NRXN3: variants seen among roughly 807,000 people sequenced by gnomAD.
NRXN3 encodes the protein neurexin III.
In NRXN3, 32 loss-of-function variants were observed where a neutral mutation model predicts 137.6. That is an observed-to-expected ratio of 0.23 (90% CI 0.18 to 0.31). The LOEUF (loss-of-function observed/expected upper bound fraction) is 0.31. NRXN3 is among the 10% of genes least tolerant of loss of function. The probability of loss-of-function intolerance (pLI) is 1.00; values close to 1 mark genes in which losing one functional copy is unlikely to be tolerated. For missense variants in NRXN3, 1,574 were observed against 2,062.5 expected (o/e 0.76, Z 4.59); for synonymous variants, 798 against 784.5 (o/e 1.02, Z -0.29).
At chr14:78,730,091 C>T (rs2098507767) in intron 8 of NRXN3, among the ~76,000 whole-genome samples, 1 of 152,120 alleles carries the variant, frequency 6.6e-6, no homozygotes, top group Admixed American at 6.6e-5. Flanking sequence ...GGCCTAGCCT[C>T]TTGGGCCTGT....
At chr14:79,043,666 A>G (rs1476544510) in intron 15 of NRXN3, among the ~76,000 whole-genome samples, 1 of 152,000 alleles carries the variant, frequency 6.6e-6, no homozygotes, top group Non-Finnish European at 1.5e-5. Flanking sequence ...GTAGGCTGCC[A>G]TCCTCTAGGT....
At chr14:78,189,640 G>A (rs1320426812) in intron 1 of NRXN3, among the ~76,000 whole-genome samples, 1 of 151,968 alleles carries the variant, frequency 6.6e-6, no homozygotes. Flanking sequence ...AGGCTGGAGT[G>A]CAGTGGTGCA....
intron 8 of NRXN3, among the ~76,000 whole-genome samples, chr14:78,725,128 A>G (rs1422005896): frequency 6.6e-6 from 1 of 152,230 alleles, no homozygotes; most frequent in Non-Finnish European, 1.5e-5. Flanking sequence ...TGCGATTAGC[A>G]TGTTCCCCCT....
chr14:78,416,462 G>A lies in NRXN3; in HGVS notation c.757+118602G>A, dbSNP rs546715490. Among the ~76,000 whole-genome samples the A allele has an allele frequency of 3.3e-5, 5 of 152,242 alleles. No individual in the cohort carries two copies. In the South Asian group the frequency reaches 6.2e-4, roughly 19 times the overall value. On this transcript the variant is annotated intron_variant, in intron 4 of 20. Transcript: ENST00000335750. ...GTGTGCCTTGGGTAAGGAGGGTGGC[G>A]ACACTGATTTTAACTGTCAAATTGA...
intron 15 of NRXN3, among the ~76,000 whole-genome samples, chr14:79,437,875 T>G (rs2095869124): frequency 6.6e-6 from 1 of 152,260 alleles, no homozygotes; most frequent in Non-Finnish European, 1.5e-5. Flanking sequence ...AAATGAGTTT[T>G]ACATTTAAAT....
intron 19 of NRXN3, among the ~76,000 whole-genome samples, chr14:79,797,223 A>C (rs2099163760): frequency 6.6e-6 from 1 of 152,214 alleles, no homozygotes; most frequent in African/African-American, 2.4e-5. Context: ...TCTTTAGCTC[A>C]GGGTGATTCT....
chr14:78,283,348 G>C (rs1489470244), intron 3 of NRXN3: 1 of 152,154 alleles, frequency 6.6e-6, no homozygotes, highest in Non-Finnish European at 1.5e-5. Context: ...TGGCTTGAAA[G>C]CTAAGAATGG....
At chr14:78,968,416 C>T (rs2099428140) in intron 14 of NRXN3, 70 bp downstream of exon 14, 1 of 1,443,356 alleles carries the variant, frequency 6.9e-7, no homozygotes, top group Admixed American at 1.8e-5. Flanking sequence ...CTGCCTCTGC[C>T]ACTGCCTCCT....
chr14:79,252,160 G>A (rs1043721327), intron 15 of NRXN3, among the ~76,000 whole-genome samples: 3 of 152,102 alleles, frequency 2.0e-5, no homozygotes, highest in African/African-American at 7.2e-5. Context: ...ATTCCGACGG[G>A]TTAATCAGAT....
At chr14:79,209,404 A>G (rs1013450543) in intron 15 of NRXN3, among the ~76,000 whole-genome samples, 1 of 152,106 alleles carries the variant, frequency 6.6e-6, no homozygotes, top group Non-Finnish European at 1.5e-5. Context: ...CTGCTATGTA[A>G]TTACTAGGGA....
chr14:78,754,654 C>T (rs1391004998), intron 8 of NRXN3, among the ~76,000 whole-genome samples: 1 of 152,158 alleles, frequency 6.6e-6, no homozygotes. Context: ...AGTGCGACTG[C>T]CACACCAGTG....
At chr14:78,815,827 A>G (rs1236159367) in intron 10 of NRXN3, among the ~76,000 whole-genome samples, 1 of 152,156 alleles carries the variant, frequency 6.6e-6, no homozygotes, top group East Asian at 1.9e-4. Flanking sequence ...AGTCATTCTC[A>G]AAGGAAATTG....
At chr14:78,320,248 T>C (rs1020575367) in intron 4 of NRXN3, among the ~76,000 whole-genome samples, 3 of 152,214 alleles carry the variant, frequency 2.0e-5, no homozygotes, top group African/African-American at 7.2e-5. Context: ...AGGGGGTTTC[T>C]TCACCGGGAT....
intron 7 of NRXN3, among the ~76,000 whole-genome samples, chr14:78,711,119 TG>T (rs1273096710): frequency 6.6e-6 from 1 of 152,116 alleles, no homozygotes; most frequent in East Asian, 1.9e-4. Flanking sequence ...ACACTGCTGT[TG>T]GTTTTTAAGA....
chr14:79,835,835 G>A (rs972524335), intron 20 of NRXN3, among the ~76,000 whole-genome samples: 2 of 152,184 alleles, frequency 1.3e-5, no homozygotes, highest in Admixed American at 1.3e-4. Flanking sequence ...CCTGCACGGA[G>A]CACATGGGCT....
chr14:78,314,891 T>TTCTC (rs369074761), intron 4 of NRXN3, among the ~76,000 whole-genome samples: 2 of 88,592 alleles, frequency 2.3e-5, no homozygotes, highest in East Asian at 6.3e-4. Context: ...CTTTCTTTCT[T>TTCTC]TCTCTTTCTT....
intron 10 of NRXN3, among the ~76,000 whole-genome samples, chr14:78,881,367 T>C (rs759434713): frequency 1.3e-5 from 2 of 151,592 alleles, no homozygotes; most frequent in Non-Finnish European, 2.9e-5. Flanking sequence ...GAGAGGAAGA[T>C]GGGGAAAGTT....
chr14:79,067,499 T>G (rs999304588), intron 15 of NRXN3, among the ~76,000 whole-genome samples: 14 of 152,168 alleles, frequency 9.2e-5, no homozygotes, highest in Admixed American at 5.2e-4. Flanking sequence ...TAGGGAGGAG[T>G]CCCTCCTCTT....
At chr14:79,788,741 G>T (rs538870855) in intron 19 of NRXN3, among the ~76,000 whole-genome samples, 29 of 152,276 alleles carry the variant, frequency 1.9e-4, no homozygotes, top group Non-Finnish European at 4.0e-4. Context: ...AATAGTGTAA[G>T]TCAATATATA....
Sources: allele counts gnomAD v4.1 joint callset (sites outside exome capture counted in the v4.1 genomes callset), GRCh38; gene constraint gnomAD v4.1.1; transcripts MANE v1.5; gene names NCBI Gene and HGNC (gene_info 2026-07-23, HGNC 2026-07-21).